Variants in CHRM2 observed in about 807,000 individuals in gnomAD.
The protein encoded by CHRM2 is muscarinic acetylcholine receptor M2.
In CHRM2, 8 loss-of-function variants were observed where a neutral mutation model predicts 25.0. The ratio of observed to expected loss-of-function variants is 0.32; its 90% confidence interval spans 0.19 to 0.58. The LOEUF (loss-of-function observed/expected upper bound fraction) is 0.58, where lower values mean the gene tolerates loss of function less well. Ranked by LOEUF, CHRM2 falls within the 20% of genes least tolerant of loss-of-function variation. The pLI is 0.88. For synonymous variants in CHRM2, 202 were observed against 205.7 expected (o/e 0.98, Z 0.15); for missense variants, 440 against 567.1 (o/e 0.78, Z 2.28).
chr7:136,898,362 C>G (rs1797016086), intron 2 of CHRM2, among the ~76,000 whole-genome samples: 1 of 152,040 alleles, frequency 6.6e-6, no homozygotes, highest in African/African-American at 2.4e-5. Context: ...CTAAATACAA[C>G]TAGCAGAAGA....
intron 2 of CHRM2, among the ~76,000 whole-genome samples, chr7:136,925,540 C>CT (rs139806824): frequency 1.1e-3 from 165 of 149,524 alleles, no homozygotes; most frequent in African/African-American, 3.3e-3. Context: ...CTATAAACAG[C>CT]TTTTTTTTTT....
chr7:136,992,356 G>C (rs1266913815), intron 3 of CHRM2, 92 bp downstream of exon 3: 2 of 152,102 alleles, frequency 1.3e-5, no homozygotes, highest in Non-Finnish European at 2.9e-5. Flanking sequence ...CTTTGGAAAG[G>C]TAAATATGTC....
chr7:136,955,077 G>T (rs1006022371), intron 2 of CHRM2, among the ~76,000 whole-genome samples: 1 of 152,098 alleles, frequency 6.6e-6, no homozygotes, highest in Non-Finnish European at 1.5e-5. Context: ...GCATAGTTGT[G>T]TTGTAGATGG....
intron 2 of CHRM2, among the ~76,000 whole-genome samples, chr7:136,873,544 G>A (rs1223878743): frequency 2.0e-5 from 3 of 152,174 alleles, no homozygotes; most frequent in African/African-American, 7.2e-5. Flanking sequence ...TGTAGTAGAT[G>A]TTATTTTCTA....
chr7:136,895,590 T>C (rs1796862239), intron 2 of CHRM2, among the ~76,000 whole-genome samples: 1 of 152,212 alleles, frequency 6.6e-6, no homozygotes. Flanking sequence ...AATTCATTAG[T>C]AGCAACCAAT....
In CHRM2 at chr7:136,973,809, T is replaced by C. The variant is rs570982379; in HGVS notation, c.-124-18378T>C. ...TGGGGATGGTAGGGGTGTCTATTTG[T>C]TGGTCAGAATGCATTTTCTTTTAAA... On this transcript the variant is annotated intron_variant, in intron 2 of 3. Transcript: ENST00000680005. Among the ~76,000 whole-genome samples the C allele has an allele frequency of 7.9e-5, 12 of 152,106 alleles. No homozygotes were observed. The East Asian group carries it at 2.3e-3, about 29-fold the overall frequency.
intron 2 of CHRM2, among the ~76,000 whole-genome samples, chr7:136,968,738 A>ATG (rs1801576475): frequency 6.8e-6 from 1 of 147,670 alleles, no homozygotes; most frequent in African/African-American, 2.5e-5. Flanking sequence ...ATATATATAT[A>ATG]TATATACAGA....
intron 2 of CHRM2, among the ~76,000 whole-genome samples, chr7:136,944,082 A>G (rs933550363): frequency 6.6e-6 from 1 of 152,038 alleles, no homozygotes; most frequent in Non-Finnish European, 1.5e-5. Flanking sequence ...GTTGGCTTTC[A>G]TTTCTTTATT....
rs191252938 is a variant in CHRM2, at chr7:137,013,720, C to T, written c.-46-1100C>T. Among the ~76,000 whole-genome samples, 6 of 152,134 alleles carry T rather than the reference C, an allele frequency of 3.9e-5. No homozygotes were observed. In the East Asian group the frequency reaches 1.2e-3, roughly 30 times the overall value. On this transcript the variant is annotated intron_variant, in intron 3 of 3. Transcript: ENST00000680005. ...TGATTATGTGTTTACTTACACACAA[C>T]AGGATAGGGAAACAAGAAGTGCATT...
chr7:136,882,673 A>C (rs1796311358), intron 2 of CHRM2, among the ~76,000 whole-genome samples: 1 of 152,074 alleles, frequency 6.6e-6, no homozygotes, highest in African/African-American at 2.4e-5. Context: ...TGAAAATAAA[A>C]CTTCCTTTCT....
At position 136,880,167 on chromosome 7, in the gene CHRM2, C is replaced by T. The variant is rs1009360508; in HGVS notation, c.-125+10749C>T. The stretch of plus-strand genomic sequence containing the variant: ...GGTTTAATTCCGTTATTTGAGTAGA[C>T]ATGGGATTCTAGAGTATTGGCAATT... On this transcript the variant is annotated intron_variant, in intron 2 of 3. Transcript: ENST00000680005. Among the ~76,000 whole-genome samples, 3 of 149,500 alleles carry T rather than the reference C, an allele frequency of 2.0e-5. No individual in the cohort carries two copies. In the Admixed American group the frequency reaches 2.0e-4, roughly 10 times the overall value.
intron 3 of CHRM2, among the ~76,000 whole-genome samples, chr7:137,000,535 G>A (rs1475608720): frequency 3.0e-5 from 3 of 99,904 alleles, no homozygotes; most frequent in Non-Finnish European, 6.0e-5. Flanking sequence ...AAGAAAGAAA[G>A]AAAAGAAAGA....
intron 2 of CHRM2, among the ~76,000 whole-genome samples, chr7:136,897,046 G>A (rs1022937593): frequency 6.6e-6 from 1 of 151,688 alleles, no homozygotes; most frequent in Non-Finnish European, 1.5e-5. Flanking sequence ...AGGCAAGGAG[G>A]GGATGGAGTA....
intron 2 of CHRM2, among the ~76,000 whole-genome samples, chr7:136,898,085 G>A (rs1584715268): frequency 1.3e-5 from 2 of 152,230 alleles, no homozygotes; most frequent in South Asian, 2.1e-4. Context: ...CTGGTTATTA[G>A]AAACTTTAGC....
intron 2 of CHRM2, among the ~76,000 whole-genome samples, chr7:136,916,307 C>A (rs1346147575): frequency 6.6e-6 from 1 of 151,774 alleles, no homozygotes; most frequent in East Asian, 1.9e-4. Flanking sequence ...TACATTTAAT[C>A]CTCATTTTAA....
chr7:136,905,167 T>C (rs1198587737), intron 2 of CHRM2, among the ~76,000 whole-genome samples: 2 of 151,886 alleles, frequency 1.3e-5, no homozygotes, highest in Non-Finnish European at 2.9e-5. Flanking sequence ...ATTTCTAATT[T>C]TATTGCATTT....
At chr7:136,896,683 T>C (rs1479901002) in intron 2 of CHRM2, among the ~76,000 whole-genome samples, 1 of 152,140 alleles carries the variant, frequency 6.6e-6, no homozygotes, top group Non-Finnish European at 1.5e-5. Flanking sequence ...CAATCTCAGC[T>C]GAGGCTAAAG....
chr7:136,949,342 C>T (rs766500318), intron 2 of CHRM2, among the ~76,000 whole-genome samples: 15 of 151,538 alleles, frequency 9.9e-5, no homozygotes, highest in Non-Finnish European at 1.8e-4. Context: ...TCCAGCTGGG[C>T]ACTATGATTC....
chr7:137,006,542 C>T (rs2131090466), intron 3 of CHRM2, among the ~76,000 whole-genome samples: 1 of 152,070 alleles, frequency 6.6e-6, no homozygotes, highest in East Asian at 1.9e-4. Context: ...TTGCATAATC[C>T]TGATCTTTTT....
Sources: allele counts gnomAD v4.1 joint callset (sites outside exome capture counted in the v4.1 genomes callset), GRCh38; gene constraint gnomAD v4.1.1; transcripts MANE v1.5; gene names NCBI Gene and HGNC (gene_info 2026-07-23, HGNC 2026-07-21).